GREB1: variants seen among roughly 807,000 people sequenced by gnomAD.
The protein encoded by GREB1 is growth regulating estrogen receptor binding 1, also known as protein GREB1.
GREB1 carries 106 observed loss-of-function variants against 200.7 expected under a neutral mutation model. The ratio of observed to expected loss-of-function variants is 0.53; its 90% CI spans 0.45 to 0.62. The LOEUF is 0.62. Ranked by LOEUF, GREB1 falls within the 20% of genes least tolerant of loss-of-function variation. GREB1 has a pLI of 0.00. For synonymous variants in GREB1, 1,132 were observed against 1,092.4 expected, an observed-to-expected ratio of 1.04 and a Z score of -0.72; for missense variants, 2,243 against 2,556.8, an observed-to-expected ratio of 0.88 and a Z score of 2.65.
At chr2:11,609,894 G>A (rs535328294) in intron 17 of GREB1, among the ~76,000 whole-genome samples, 6 of 152,196 alleles carry the variant, frequency 3.9e-5, no homozygotes, top group Non-Finnish European at 8.8e-5. Context: ...GAGTCAGGAG[G>A]ACCCATTCCA....
At chr2:11,632,765 A>C (rs1684988233) in intron 27 of GREB1, 124 bp from the exon 28 acceptor site, 3 of 711,750 alleles carry the variant, frequency 4.2e-6, no homozygotes, top group Non-Finnish European at 7.3e-6. Context: ...GTGACAGGTG[A>C]TTCATGTCAG....
chr2:11,533,019 A>G (rs1048318474), upstream of GREB1, among the ~76,000 whole-genome samples: 21 of 152,340 alleles, frequency 1.4e-4, no homozygotes, highest in East Asian at 1.9e-3. Context: ...CCAGGCACCC[A>G]TAAATGTTTG....
At chr2:11,497,136 A>G (rs943547555) in intron 1 of GREB1, among the ~76,000 whole-genome samples, 2 of 152,024 alleles carry the variant, frequency 1.3e-5, no homozygotes, top group Non-Finnish European at 2.9e-5. Flanking sequence ...TCTCTTTCCC[A>G]CCCCTGGCAA....
At chr2:11,498,946 T>G (rs1558484372) in intron 1 of GREB1, among the ~76,000 whole-genome samples, 1 of 152,250 alleles carries the variant, frequency 6.6e-6, no homozygotes, top group Non-Finnish European at 1.5e-5. Flanking sequence ...TCAAGTGCTA[T>G]TTTGGAAGTG....
At chr2:11,488,221 G>T (rs1040461469) in intron 1 of GREB1, among the ~76,000 whole-genome samples, 4 of 152,286 alleles carry the variant, frequency 2.6e-5, no homozygotes, top group Middle Eastern at 3.4e-3. Flanking sequence ...GTGACCAGCA[G>T]TCTGTGGTTT....
intron 1 of GREB1, among the ~76,000 whole-genome samples, chr2:11,554,258 T>C (rs1676221197): frequency 1.3e-5 from 2 of 152,166 alleles, no homozygotes; most frequent in Non-Finnish European, 2.9e-5. Context: ...CCCCAGGCTA[T>C]AAGCAGAGGC....
At chr2:11,599,850 C>G (rs1681628035) in intron 15 of GREB1, among the ~76,000 whole-genome samples, 1 of 152,206 alleles carries the variant, frequency 6.6e-6, no homozygotes, top group Admixed American at 6.5e-5. Flanking sequence ...GGTGATTTGA[C>G]TCACTCAGTT....
chr2:11,573,633 A>C (rs775469373), intron 4 of GREB1, among the ~76,000 whole-genome samples: 5 of 152,090 alleles, frequency 3.3e-5, no homozygotes, highest in Admixed American at 6.6e-5. Context: ...CTCTGTGGCT[A>C]TCTCTCCAAG....
At chr2:11,559,932 GT>G (rs1351294370) in intron 2 of GREB1, among the ~76,000 whole-genome samples, 1 of 152,170 alleles carries the variant, frequency 6.6e-6, no homozygotes, top group Admixed American at 6.5e-5. Flanking sequence ...ACCTCCTGCT[GT>G]GACCTTCCCA....
chr2:11,544,604 C>T (rs1470223210), intron 1 of GREB1, among the ~76,000 whole-genome samples: 1 of 152,094 alleles, frequency 6.6e-6, no homozygotes, highest in Non-Finnish European at 1.5e-5. Context: ...AGGGGTCGCT[C>T]TAAGGAGAGG....
intron 22 of GREB1, among the ~76,000 whole-genome samples, 156 bp downstream of exon 22, chr2:11,619,075 AG>A (rs1369421448): frequency 6.6e-6 from 1 of 152,130 alleles, no homozygotes; most frequent in African/African-American, 2.4e-5. Context: ...GACCGGAGGG[AG>A]GAGGGCAGGA....
chr2:11,571,952 C>T (rs959705300), intron 4 of GREB1, among the ~76,000 whole-genome samples: 21 of 152,190 alleles, frequency 1.4e-4, no homozygotes, highest in Admixed American at 1.3e-3. Flanking sequence ...ACCTCCTGCT[C>T]CGCCTGCCTG....
Position 11,615,177 on chromosome 2 carries a change from A to C in GREB1, c.3209A>C (p.Tyr1070Ser), listed in dbSNP as rs1330522891. 1.9e-6 allele frequency: 3 copies of C among 1,614,008 alleles called. No homozygotes were observed. Among genetic ancestry groups the C allele is most frequent in the Non-Finnish European group, 2.5e-6 (3 of 1,180,000 alleles). ...ALEQELGLAA[Y>S]FVSNEVPLEK... The stretch of plus-strand genomic sequence containing the variant: ...GAGCAGGAGCTGGGCCTGGCTGCCT[A>C]CTTTGTGAGCAACGAGGTTCCCTTG... The change falls in exon 20 of 33, where the codon TAC becomes TCC. Residue 1070 changes from tyrosine (Y) to serine (S), a missense_variant. Physicochemically the swap from Tyr to Ser is moderately radical, Grantham distance 144. Coordinates refer to ENST00000381486, the MANE Select transcript of GREB1 (RefSeq NM_014668.4).
chr2:11,607,612 A>G (rs1296074626), intron 17 of GREB1, among the ~76,000 whole-genome samples: 152 of 31,962 alleles, frequency 4.8e-3, no homozygotes, highest in African/African-American at 0.01. Flanking sequence ...ACATATATAC[A>G]CATATATGCA....
At chr2:11,504,579 T>A (rs1673129480) in intron 1 of GREB1, among the ~76,000 whole-genome samples, 1 of 152,232 alleles carries the variant, frequency 6.6e-6, no homozygotes, top group Non-Finnish European at 1.5e-5. Context: ...CTACTTTCTG[T>A]CTCTATGGAT....
At chr2:11,571,399 T>C (rs747651402) in intron 4 of GREB1, among the ~76,000 whole-genome samples, 1 of 152,216 alleles carries the variant, frequency 6.6e-6, no homozygotes, top group African/African-American at 2.4e-5. Context: ...CATTCTTCTC[T>C]GCAGCACACT....
rs201070918 is a variant in GREB1 at position 11,580,824 on chromosome 2, C to T, written c.893C>T (p.Ser298Leu). Residue 298 changes from serine (S) to leucine (L), a missense_variant, in exon 7 of 33, where the codon TCG becomes TTG. Ser to Leu is a moderately radical substitution (Grantham distance 145). Coordinates refer to ENST00000381486, the MANE Select transcript of GREB1 (RefSeq NM_014668.4). This position sits in a 1 kb window ranked among gnomAD's most constrained non-coding sequence, Gnocchi z 4.5. ...KNNLLALPRP[S>L]ALGILSNSGP... ...AACCTGTTGGCCCTGCCGCGACCAT[C>T]GGCTTTAGGTAGCTCTGCCTGTCCT... The T allele has an allele frequency of 1.2e-5, 19 of 1,614,262 alleles. No homozygotes were observed. The Admixed American group carries it at 1.3e-4, about 11-fold the overall frequency.
At chr2:11,534,925 G>A (rs1359927816) in intron 1 of GREB1, among the ~76,000 whole-genome samples, 1 of 152,202 alleles carries the variant, frequency 6.6e-6, no homozygotes, top group South Asian at 2.1e-4. Flanking sequence ...TGTCTGGCAG[G>A]TGTCACTTTT....
chr2:11,493,704 A>C lies in GREB1; in HGVS notation c.-159+11323A>C, dbSNP rs1572546617. On this transcript the variant is annotated intron_variant, in intron 1 of 2. Coordinates refer to the GREB1 transcript ENST00000628795. The surrounding 1 kb of genome is among the most constrained non-coding windows in gnomAD (Gnocchi z 4.6). ...TTTTGAAGGTTGCATTTTTTTCCCC[A>C]AAATTTTAGAGAGCAGATTTAGTCA... Among the ~76,000 whole-genome samples, 1 of 152,142 alleles carries C rather than the reference A, an allele frequency of 6.6e-6. No homozygotes were observed. The highest frequency in any genetic ancestry group is 1.5e-5 in the Non-Finnish European group (1 of 68,022).
Sources: gnomAD v4.1 joint callset for allele counts (sites outside exome capture counted in the v4.1 genomes callset) on GRCh38, gnomAD v4.1.1 for gene constraint, Gnocchi (gnomAD v3.1) non-coding constraint, MANE v1.5 for transcripts, NCBI Gene and HGNC (gene_info 2026-07-23, HGNC 2026-07-21) for gene names.